The following ZFHX3 variants were observed in gnomAD, a reference collection of about 807,000 sequenced individuals.
The protein encoded by ZFHX3 is zinc finger homeobox 3.
In ZFHX3, 42 loss-of-function variants were observed where a neutral mutation model predicts 279.1. The observed-to-expected ratio is 0.15, with a 90% CI of 0.12 to 0.19. The LOEUF (loss-of-function observed/expected upper bound fraction) is 0.19, where lower values mean the gene tolerates loss of function less well. ZFHX3 is among the 10% of genes least tolerant of loss of function. ZFHX3 has a pLI of 1.00. For missense variants in ZFHX3, 4,981 were observed against 4,754.0 expected (o/e 1.05, Z -1.40); for synonymous variants, 2,293 against 1,957.8 (o/e 1.17, Z -4.52).
chr16:73,119,004 C>T (rs1401994338), intron 7 of ZFHX3, among the ~76,000 whole-genome samples: 10 of 152,176 alleles, frequency 6.6e-5, no homozygotes, highest in Non-Finnish European at 1.5e-4. Context: ...TACAGTCACT[C>T]CTTTCAGGGT....
At chr16:72,963,521 G>A (rs946474792) in intron 1 of ZFHX3, among the ~76,000 whole-genome samples, 7 of 152,300 alleles carry the variant, frequency 4.6e-5, no homozygotes, top group African/African-American at 1.2e-4. Context: ...AAGAATTCCA[G>A]CACCTTCATC....
At chr16:73,186,070 C>G (rs1420632322) in intron 5 of ZFHX3, among the ~76,000 whole-genome samples, 1 of 152,074 alleles carries the variant, frequency 6.6e-6, no homozygotes, top group Non-Finnish European at 1.5e-5. Flanking sequence ...GATGATCTGT[C>G]ACTGTCTCCC....
At chr16:73,745,596 C>A (rs1205312083) in intron 1 of ZFHX3, among the ~76,000 whole-genome samples, 1 of 152,160 alleles carries the variant, frequency 6.6e-6, no homozygotes, top group South Asian at 2.1e-4. Context: ...AAACCAAATG[C>A]GTGTATAGCC....
At chr16:73,678,749 C>T (rs939131609) in intron 2 of ZFHX3, among the ~76,000 whole-genome samples, 4 of 152,174 alleles carry the variant, frequency 2.6e-5, no homozygotes, top group African/African-American at 7.2e-5. Context: ...TATATTCGCT[C>T]TGTGCACTGG....
At chr16:73,189,291 T>A (rs191612379) in intron 5 of ZFHX3, among the ~76,000 whole-genome samples, 1 of 152,236 alleles carries the variant, frequency 6.6e-6, no homozygotes, top group Non-Finnish European at 1.5e-5. Context: ...TTTCCGGGCA[T>A]GCCAAAGGCC....
chr16:73,355,571 G>T (rs1349502433), intron 3 of ZFHX3, among the ~76,000 whole-genome samples: 3 of 152,150 alleles, frequency 2.0e-5, no homozygotes, highest in South Asian at 4.1e-4. Flanking sequence ...ACATCGTCAT[G>T]TACAGGAAAT....
At chr16:73,604,911 G>T (rs913877603) in intron 2 of ZFHX3, among the ~76,000 whole-genome samples, 2 of 152,044 alleles carry the variant, frequency 1.3e-5, no homozygotes, top group African/African-American at 2.4e-5. Context: ...TGAGGCAGAA[G>T]AAAGTCCATT....
chr16:73,702,014 G>A (rs2053253245), intron 1 of ZFHX3, among the ~76,000 whole-genome samples: 1 of 152,116 alleles, frequency 6.6e-6, no homozygotes. Context: ...TGTACTGTGT[G>A]AAATGCATTT....
intron 5 of ZFHX3, among the ~76,000 whole-genome samples, chr16:73,254,875 G>C (rs1597246204): frequency 6.6e-6 from 1 of 150,802 alleles, no homozygotes; most frequent in East Asian, 1.9e-4. Flanking sequence ...TGAGGAAAGA[G>C]GTCTCCATCC....
intron 2 of ZFHX3, among the ~76,000 whole-genome samples, chr16:73,598,255 T>C (rs895608876): frequency 1.3e-5 from 2 of 152,176 alleles, no homozygotes; most frequent in African/African-American, 4.8e-5. Context: ...ATTTTCTCTG[T>C]TGTTTTCTCT....
chr16:73,756,743 C>G (rs1220028406), intron 1 of ZFHX3, among the ~76,000 whole-genome samples: 1 of 125,164 alleles, frequency 8.0e-6, no homozygotes, highest in Non-Finnish European at 1.6e-5. Context: ...CTCCTAACAT[C>G]AGGAACCCAC....
At chr16:73,475,973 T>G (rs1416083224) in intron 2 of ZFHX3, among the ~76,000 whole-genome samples, 2 of 152,116 alleles carry the variant, frequency 1.3e-5, no homozygotes, top group Non-Finnish European at 2.9e-5. Context: ...AACAGAAATA[T>G]CAAAAGATTC....
chr16:73,264,173 A>G (rs2013901908), intron 4 of ZFHX3, among the ~76,000 whole-genome samples: 1 of 152,176 alleles, frequency 6.6e-6, no homozygotes, highest in Non-Finnish European at 1.5e-5. Context: ...TCTGCGGGGA[A>G]AAAAGGGCCT....
At chr16:73,230,587 C>T (rs939126972) in intron 5 of ZFHX3, among the ~76,000 whole-genome samples, 4 of 152,158 alleles carry the variant, frequency 2.6e-5, no homozygotes, top group African/African-American at 9.7e-5. Flanking sequence ...TGGTGATACA[C>T]AAAAGTCATC....
At chr16:72,860,278 G>T (rs2037852344) in intron 4 of ZFHX3, among the ~76,000 whole-genome samples, 1 of 152,068 alleles carries the variant, frequency 6.6e-6, no homozygotes, top group Admixed American at 6.6e-5. Context: ...TGTTCCATCA[G>T]GCCTCGGTGG....
At chr16:73,478,340 T>C (rs1328241298) in intron 2 of ZFHX3, among the ~76,000 whole-genome samples, 3 of 151,634 alleles carry the variant, frequency 2.0e-5, no homozygotes, top group African/African-American at 7.3e-5. Flanking sequence ...ACTTGAACCC[T>C]GGACCCTCAG....
At chr16:72,942,916 A>G (rs1960479316) in intron 3 of ZFHX3, among the ~76,000 whole-genome samples, 1 of 152,190 alleles carries the variant, frequency 6.6e-6, no homozygotes, top group African/African-American at 2.4e-5. Flanking sequence ...AAATAGGAAA[A>G]GGTGAGAGGA....
Position 72,796,202 on chromosome 16 carries a change from C to T in ZFHX3, c.6480G>A (p.Leu2160=). 1 of 1,614,090 alleles carries T rather than the reference C, an allele frequency of 6.2e-7. No individual in the cohort carries two copies. Among genetic ancestry groups the T allele is most frequent in the Non-Finnish European group, 8.5e-7 (1 of 1,180,028 alleles). ...AGTTGTTAATGTCAAAATATTGCCG[C>T]AAGACTCGGAGCTGATCATCTGTGA... ...TRITDDQLRV[L]RQYFDINNSP... The change falls in exon 9 of 10, where the codon TTG becomes TTA. Residue 2160 remains leucine, a synonymous_variant. Coordinates refer to ENST00000268489, the MANE Select transcript of ZFHX3 (RefSeq NM_006885.4).
At chr16:73,463,517 T>C (rs564156922) in intron 2 of ZFHX3, among the ~76,000 whole-genome samples, 29 of 152,348 alleles carry the variant, frequency 1.9e-4, no homozygotes, top group Admixed American at 1.4e-3. Flanking sequence ...TAACCTGTGC[T>C]TTTCATTTTG....
Sources: gnomAD v4.1 joint callset for allele counts (sites outside exome capture counted in the v4.1 genomes callset) on GRCh38, gnomAD v4.1.1 for gene constraint, MANE v1.5 for transcripts, NCBI Gene and HGNC (gene_info 2026-07-23, HGNC 2026-07-21) for gene names.